The following KSR2 variants were observed in gnomAD, a reference collection of about 807,000 sequenced individuals.
The protein encoded by KSR2 is kinase suppressor of ras 2.
KSR2 carries 25 observed loss-of-function variants against 107.8 expected under a neutral mutation model. The ratio of observed to expected loss-of-function variants is 0.23; its 90% CI spans 0.17 to 0.32. KSR2 has a LOEUF of 0.32. Among genes scored for constraint, KSR2 ranks in the 10% least tolerant of loss-of-function variants. The probability of loss-of-function intolerance (pLI) is 1.00; values close to 1 mark genes in which losing one functional copy is unlikely to be tolerated. For missense variants in KSR2, 887 were observed against 1,268.9 expected, an observed-to-expected ratio of 0.70 and a Z score of 4.57; for synonymous variants, 480 against 507.0, an observed-to-expected ratio of 0.95 and a Z score of 0.71.
At chr12:117,661,713 A>C (rs962649710) in intron 5 of KSR2, among the ~76,000 whole-genome samples, 13 of 152,202 alleles carry the variant, frequency 8.5e-5, no homozygotes, top group Non-Finnish European at 1.5e-4. Context: ...GGGGAAGAGC[A>C]AGAATGTGCA....
At chr12:117,931,906 A>G (rs1313709157) in intron 1 of KSR2, among the ~76,000 whole-genome samples, 3 of 152,220 alleles carry the variant, frequency 2.0e-5, no homozygotes, top group Admixed American at 6.5e-5. Context: ...TAAACATCCT[A>G]TTTTTACAGA....
chr12:117,579,944 C>A (rs1879542104), intron 6 of KSR2, among the ~76,000 whole-genome samples: 3 of 152,166 alleles, frequency 2.0e-5, no homozygotes, highest in South Asian at 4.2e-4. Flanking sequence ...TGCCAGGGTG[C>A]TTTCTTCCCC....
intron 14 of KSR2, among the ~76,000 whole-genome samples, chr12:117,522,520 G>T (rs1592952835): frequency 6.6e-6 from 1 of 152,184 alleles, no homozygotes; most frequent in Middle Eastern, 3.4e-3. Flanking sequence ...GGAAGGAAAG[G>T]GAGCTAAGGG....
At chr12:117,962,965 A>T (rs1896699242) in intron 1 of KSR2, among the ~76,000 whole-genome samples, 1 of 147,532 alleles carries the variant, frequency 6.8e-6, no homozygotes, top group African/African-American at 2.5e-5. Flanking sequence ...TGGGCGGATC[A>T]CTGGAGGTCG....
chr12:117,769,829 G>A (rs1889372943), intron 3 of KSR2, among the ~76,000 whole-genome samples: 1 of 152,072 alleles, frequency 6.6e-6, no homozygotes, highest in Non-Finnish European at 1.5e-5. Context: ...CGAGGCGGGT[G>A]GATCACCTGA....
At chr12:117,727,884 T>C (rs775205186) in intron 4 of KSR2, among the ~76,000 whole-genome samples, 4 of 152,126 alleles carry the variant, frequency 2.6e-5, no homozygotes, top group African/African-American at 7.2e-5. Context: ...AGCTATAAAA[T>C]AATACAAAAG....
At chr12:117,906,667 T>A (rs1214070214) in intron 1 of KSR2, among the ~76,000 whole-genome samples, 1 of 152,100 alleles carries the variant, frequency 6.6e-6, no homozygotes, top group Non-Finnish European at 1.5e-5. Context: ...AATCTTTTGA[T>A]GTGCTCATGA....
chr12:117,490,870 T>C (rs1050287712), intron 14 of KSR2, among the ~76,000 whole-genome samples: 45 of 152,248 alleles, frequency 3.0e-4, no homozygotes, highest in Non-Finnish European at 7.3e-5. Flanking sequence ...GATATATGTA[T>C]ACATATGGAA....
chr12:117,966,677 CCTCTCTTTCTCCCTCCCT>C (rs1896806075), intron 1 of KSR2, among the ~76,000 whole-genome samples: 1 of 145,580 alleles, frequency 6.9e-6, no homozygotes. Flanking sequence ...TCTCTCCCTC[CCTCTCTTTCTCCCTCCCT>C]CTCTCTCTCT....
In KSR2 at chr12:117,897,952, TAC is replaced by T. The variant is rs60502030; in HGVS notation, c.181-37523_181-37522del. Among the ~76,000 whole-genome samples the T allele has an allele frequency of 1.3e-5, 2 of 151,938 alleles. No individual in the cohort carries two copies. The highest frequency in any genetic ancestry group is 2.1e-4 in the South Asian group (1 of 4,806). ...GTGTGTCTGTGTGCACTCATACACG[TAC>T]ACACACACAGTCATATGGTATACTC... On this transcript the variant is annotated intron_variant, in intron 1 of 19. Coordinates refer to ENST00000339824, the MANE Select transcript of KSR2 (RefSeq NM_173598.6). The surrounding 1 kb of genome is among the most constrained non-coding windows in gnomAD (Gnocchi z 4.5).
intron 9 of KSR2, among the ~76,000 whole-genome samples, chr12:117,548,861 C>CA (rs1565895229): frequency 6.6e-6 from 1 of 152,150 alleles, no homozygotes; most frequent in Non-Finnish European, 1.5e-5. Context: ...TGTAGACAAA[C>CA]AAATGGATAC....
intron 4 of KSR2, among the ~76,000 whole-genome samples, chr12:117,693,777 C>A (rs1320243291): frequency 1.3e-5 from 2 of 152,258 alleles, no homozygotes; most frequent in Admixed American, 1.3e-4. Context: ...CGGGTCCTAC[C>A]GTCATCCCCA....
chr12:117,522,050 A>T (rs972810049), intron 14 of KSR2, among the ~76,000 whole-genome samples: 2 of 152,138 alleles, frequency 1.3e-5, no homozygotes, highest in African/African-American at 4.8e-5. Context: ...CCAATTACAC[A>T]TCCCAAAGCT....
intron 3 of KSR2, among the ~76,000 whole-genome samples, chr12:117,807,238 C>A (rs1381679344): frequency 1.3e-5 from 2 of 152,168 alleles, no homozygotes; most frequent in Non-Finnish European, 2.9e-5. Flanking sequence ...TCTTGGAAAC[C>A]GAGTGTATTT....
At chr12:117,625,648 A>G (rs568495831) in intron 5 of KSR2, among the ~76,000 whole-genome samples, 4 of 152,238 alleles carry the variant, frequency 2.6e-5, no homozygotes, top group Non-Finnish European at 4.4e-5. Flanking sequence ...CATCAGGGAT[A>G]TTGGTCTAAA....
intron 4 of KSR2, among the ~76,000 whole-genome samples, chr12:117,738,639 C>T (rs1888038690): frequency 6.6e-6 from 1 of 152,142 alleles, no homozygotes; most frequent in Non-Finnish European, 1.5e-5. Context: ...CTTTGGGAGG[C>T]TGAGGCGGGC....
intron 1 of KSR2, among the ~76,000 whole-genome samples, chr12:117,861,720 GAAGGGTGGGGAAA>G (rs568696921): frequency 2.2e-4 from 33 of 151,978 alleles, no homozygotes; most frequent in Middle Eastern, 3.4e-3. Flanking sequence ...GAGGGAAGAG[GAAGGGTGGGGAAA>G]AAGGGTGGGG....
intron 9 of KSR2, among the ~76,000 whole-genome samples, chr12:117,546,575 C>A (rs1283879048): frequency 1.3e-5 from 2 of 152,176 alleles, no homozygotes; most frequent in Non-Finnish European, 2.9e-5. Flanking sequence ...CCTCTTTCTC[C>A]TCTTCTCTCT....
At chr12:117,566,128 C>A (rs1249841671) in intron 7 of KSR2, among the ~76,000 whole-genome samples, 2 of 152,026 alleles carry the variant, frequency 1.3e-5, no homozygotes, top group African/African-American at 2.4e-5. Context: ...TCCTCCCACC[C>A]TCCTTGCTCA....
Sources: gnomAD v4.1 joint callset for allele counts (sites outside exome capture counted in the v4.1 genomes callset) on GRCh38, gnomAD v4.1.1 for gene constraint, Gnocchi (gnomAD v3.1) non-coding constraint, MANE v1.5 for transcripts, NCBI Gene and HGNC (gene_info 2026-07-23, HGNC 2026-07-21) for gene names.